ROR2: variants seen among roughly 807,000 people sequenced by gnomAD.
The protein encoded by ROR2 is tyrosine-protein kinase transmembrane receptor ROR2.
ROR2 carries 33 observed loss-of-function variants against 74.9 expected under a neutral mutation model. The ratio of observed to expected loss-of-function variants is 0.44; its 90% CI spans 0.33 to 0.59. The LOEUF is 0.59. Among genes scored for constraint, ROR2 ranks in the 20% least tolerant of loss-of-function variants. The pLI, the probability that ROR2 is intolerant of heterozygous loss-of-function variation, is 0.02. For synonymous variants in ROR2, 586 were observed against 558.7 expected (o/e 1.05, Z -0.69); for missense variants, 1,216 against 1,313.8 (o/e 0.93, Z 1.15).
At chr9:91,729,953 GTGTTTTT>G (rs752862394) in intron 7 of ROR2, among the ~76,000 whole-genome samples, 53 of 152,158 alleles carry the variant, frequency 3.5e-4, no homozygotes, top group Middle Eastern at 3.2e-3. Context: ...AGCAATAATG[GTGTTTTT>G]TGTTTTTTGT....
intron 1 of ROR2, among the ~76,000 whole-genome samples, chr9:91,907,418 G>A (rs914296996): frequency 6.6e-6 from 1 of 152,140 alleles, no homozygotes; most frequent in African/African-American, 2.4e-5. Context: ...TGAGTTCCTG[G>A]GGCAAGGGGA....
At chr9:91,763,583 A>G (rs1825978579) in intron 2 of ROR2, among the ~76,000 whole-genome samples, 1 of 152,132 alleles carries the variant, frequency 6.6e-6, no homozygotes, top group South Asian at 2.1e-4. Flanking sequence ...CCTTTGGAAT[A>G]TTTCTCGTCA....
At chr9:91,796,436 GAA>G (rs907750118) in intron 1 of ROR2, among the ~76,000 whole-genome samples, 286 of 87,698 alleles carry the variant, frequency 3.3e-3, no homozygotes, top group African/African-American at 9.6e-3. Flanking sequence ...TTGTCCCAAG[GAA>G]AAAAAAAAAA....
At chr9:91,892,544 T>A (rs999989318) in intron 1 of ROR2, among the ~76,000 whole-genome samples, 2 of 152,030 alleles carry the variant, frequency 1.3e-5, no homozygotes, top group Non-Finnish European at 2.9e-5. Flanking sequence ...TTTTTTTTTT[T>A]ATTTTACCTC....
In ROR2 at chr9:91,751,200, T is replaced by TA. The variant is rs758189512; in HGVS notation, c.494+4870_494+4871insT. On this transcript the variant is annotated intron_variant, in intron 4 of 8. Transcript: ENST00000375708. ...TCCCTATCAGTGAAAAGAACTAACC[T>TA]TCACTCGGCAGTCAATGCATGATTC... is the stretch of plus-strand genomic sequence containing the variant. 2.0e-3 allele frequency among the ~76,000 whole-genome samples: 309 copies of TA among 152,226 alleles called. 2 individuals are homozygous for TA. Among genetic ancestry groups the TA allele is most frequent in the Non-Finnish European group, 2.6e-3 (176 of 68,014 alleles).
rs1189871991 is a variant in ROR2 at position 91,724,441 on chromosome 9, C to T, written c.2053G>A (p.Val685Ile). The part of the protein sequence containing the change: ...IWSYGVVLWE[V>I]FSYGLQPYCG... ...TAGGGCTGCAGGCCGTAGCTGAAGA[C>T]CTCCCACAGGACCACACCGTAGGAC... is the stretch of plus-strand genomic sequence containing the variant. Residue 685 changes from valine (V) to isoleucine (I), a missense_variant, in exon 9 of 9, where the codon GTC becomes ATC. Physicochemically the swap from Val to Ile is conservative, Grantham distance 29. Transcript: ENST00000375708. 2 of 1,614,202 alleles carry T rather than the reference C, an allele frequency of 1.2e-6. No homozygotes were observed. The highest frequency in any genetic ancestry group is 4.5e-5 in the East Asian group (2 of 44,864).
intron 1 of ROR2, among the ~76,000 whole-genome samples, chr9:91,801,346 ATTTTT>A (rs1827373019): frequency 6.6e-6 from 1 of 151,912 alleles, no homozygotes; most frequent in African/African-American, 2.4e-5. Context: ...ATTTTATTTT[ATTTTT>A]GAGATGGAGT....
intron 4 of ROR2, among the ~76,000 whole-genome samples, chr9:91,746,739 T>C (rs1406777011): frequency 1.3e-5 from 2 of 152,194 alleles, no homozygotes; most frequent in Non-Finnish European, 2.9e-5. Flanking sequence ...TGGAATTAAC[T>C]GATTCTTGTT....
chr9:91,927,233 C>A (rs10992163), intron 1 of ROR2, among the ~76,000 whole-genome samples: 1 of 152,030 alleles, frequency 6.6e-6, no homozygotes, highest in African/African-American at 2.4e-5. Context: ...GGTCAGAGAC[C>A]CACAGCTCCC....
chr9:91,895,830 C>G (rs1330918442), intron 1 of ROR2, among the ~76,000 whole-genome samples: 1 of 152,020 alleles, frequency 6.6e-6, no homozygotes, highest in Non-Finnish European at 1.5e-5. Flanking sequence ...GGCGGCTGAG[C>G]GAGACTCTGT....
Position 91,723,756 on chromosome 9 carries a change from T to C in ROR2, c.2738A>G (p.Glu913Gly). ...DGAQSTVQEA[E>G]EEEEGSVPET... is the part of the protein sequence containing the mutation. ...TGGGACAGAGCCTTCCTCCTCCTCC[T>C]CTGCTTCCTGCACGGTGCTCTGGGC... Residue 913 changes from glutamate to glycine, a missense_variant, in exon 9 of 9, where the codon GAG (glutamate) becomes GGG (glycine). Physicochemically the swap from Glu to Gly is moderately conservative, Grantham distance 98. Transcript: ENST00000375708. 1 of 1,613,794 alleles carries C rather than the reference T, an allele frequency of 6.2e-7. No individual in the cohort carries two copies. The highest frequency in any genetic ancestry group is 8.5e-7 in the Non-Finnish European group (1 of 1,180,012).
intron 1 of ROR2, among the ~76,000 whole-genome samples, chr9:91,812,171 G>T (rs1827772648): frequency 6.6e-6 from 1 of 152,136 alleles, no homozygotes; most frequent in Non-Finnish European, 1.5e-5. Flanking sequence ...GACAAACTTG[G>T]TCTCGGTGTT....
rs777478279 is a variant in ROR2 at position 91,950,004 on chromosome 9, G to A, written c.-41C>T. 48 of 1,134,990 alleles carry A rather than the reference G, an allele frequency of 4.2e-5. No homozygotes were observed. The South Asian group carries it at 7.7e-4, about 18-fold the overall frequency. 70.3% of individuals were successfully genotyped at this position (1,134,990 alleles called of 1,614,324 possible). A position where few individuals can be genotyped will look rare whatever the true frequency, so the allele number is the denominator to read the frequency against. ...GGCCGGGAAGCCCTCAGAGCTTCGGGCCGGGGCGCGGGGTCGGGCGCCACC... is the reference window on the plus strand; with the variant it reads ...GGCCGGGAAGCCCTCAGAGCTTCGGACCGGGGCGCGGGGTCGGGCGCCACC... On this transcript the variant is annotated 5_prime_UTR_variant, in exon 1 of 9. Transcript: ENST00000375708.
chr9:91,884,022 A>G (rs1281888968), intron 1 of ROR2, among the ~76,000 whole-genome samples: 1 of 152,200 alleles, frequency 6.6e-6, no homozygotes, highest in East Asian at 1.9e-4. Context: ...CACACTCACC[A>G]TCCTACCACG....
intron 1 of ROR2, among the ~76,000 whole-genome samples, chr9:91,795,697 T>A (rs542046784): frequency 1.6e-4 from 24 of 152,194 alleles, no homozygotes; most frequent in African/African-American, 5.8e-4. Flanking sequence ...CCAGAAGCCC[T>A]AAACTAATCA....
At chr9:91,861,698 C>A (rs2119301617) in intron 1 of ROR2, among the ~76,000 whole-genome samples, 1 of 152,252 alleles carries the variant, frequency 6.6e-6, no homozygotes, top group East Asian at 1.9e-4. Context: ...TAAACAGTTT[C>A]TAAGAAATAA....
chr9:91,771,775 C>T (rs929195395), intron 2 of ROR2, among the ~76,000 whole-genome samples: 2 of 152,092 alleles, frequency 1.3e-5, no homozygotes, highest in African/African-American at 4.8e-5. Context: ...ATGCCAAATA[C>T]TGACCCAGGA....
intron 1 of ROR2, among the ~76,000 whole-genome samples, chr9:91,801,701 C>T (rs1279704177): frequency 6.6e-6 from 1 of 152,210 alleles, no homozygotes; most frequent in Non-Finnish European, 1.5e-5. Context: ...ATTCTACCTC[C>T]CTACACTAGA....
intron 1 of ROR2, among the ~76,000 whole-genome samples, chr9:91,800,148 T>C (rs934105680): frequency 2.6e-5 from 4 of 151,980 alleles, no homozygotes; most frequent in Admixed American, 2.6e-4. Context: ...TCGAGACCAG[T>C]CCGGCCAACA....
Sources: allele counts gnomAD v4.1 joint callset (sites outside exome capture counted in the v4.1 genomes callset), GRCh38; gene constraint gnomAD v4.1.1; transcripts MANE v1.5; gene names NCBI Gene and HGNC (gene_info 2026-07-23, HGNC 2026-07-21).